FRAS1: variants seen among roughly 807,000 people sequenced by gnomAD.
FRAS1 encodes extracellular matrix organizing protein FRAS1.
Under a neutral mutation model 435.2 loss-of-function variants are expected in FRAS1, and 290 were observed. The observed-to-expected ratio is 0.67, with a 90% CI of 0.61 to 0.73. The LOEUF (loss-of-function observed/expected upper bound fraction) is 0.73. FRAS1 is among the 30% of genes least tolerant of loss of function. The probability of loss-of-function intolerance (pLI) is 0.00; values close to 1 mark genes in which losing one functional copy is unlikely to be tolerated. For missense variants in FRAS1, 4,860 were observed against 5,001.5 expected (o/e 0.97, Z 0.85); for synonymous variants, 1,800 against 1,851.0 (o/e 0.97, Z 0.71).
At chr4:78,451,933 A>G in intron 46 of FRAS1, 42 bp downstream of exon 46, 1 of 1,563,448 alleles carries the variant, frequency 6.4e-7, no homozygotes, top group Non-Finnish European at 8.7e-7. Flanking sequence ...CTATTTTAGC[A>G]GTTCTGAGGT....
chr4:78,128,499 G>C (rs959728425), intron 2 of FRAS1, among the ~76,000 whole-genome samples: 1 of 152,192 alleles, frequency 6.6e-6, no homozygotes, highest in Admixed American at 6.5e-5. Flanking sequence ...TTCTCTGATA[G>C]CCAGTGATGA....
chr4:78,446,045 A>T (rs1033882386), intron 42 of FRAS1: 1 of 1,196,014 alleles, frequency 8.4e-7, no homozygotes, highest in Non-Finnish European at 1.0e-6. Flanking sequence ...GTTTGGTTCT[A>T]TATGCATATT....
At chr4:78,168,688 T>A (rs1237724945) in intron 2 of FRAS1, among the ~76,000 whole-genome samples, 1 of 152,094 alleles carries the variant, frequency 6.6e-6, no homozygotes, top group East Asian at 1.9e-4. Flanking sequence ...CCTACTTTTC[T>A]CCCTCACCTG....
At chr4:78,522,445 C>A (rs189309539) in intron 68 of FRAS1, among the ~76,000 whole-genome samples, 153 of 152,214 alleles carry the variant, frequency 1.0e-3, no homozygotes, top group Non-Finnish European at 1.8e-3. Flanking sequence ...CTATGATGAC[C>A]ATCACAAGTA....
chr4:78,267,173 G>C, intron 8 of FRAS1, 68 bp from the exon 9 acceptor site: 2 of 1,504,864 alleles, frequency 1.3e-6, no homozygotes, highest in Non-Finnish European at 1.8e-6. Flanking sequence ...GGGTCCTCCT[G>C]CCTCTGTTGG....
chr4:78,370,131 A>G (rs751290730), intron 23 of FRAS1, 147 bp downstream of exon 23: 1 of 663,150 alleles, frequency 1.5e-6, no homozygotes, highest in Non-Finnish European at 2.4e-6. Context: ...GTGTATGTAT[A>G]TATTCATTAA....
At chr4:78,181,799 G>A in intron 2 of FRAS1, 4 of 1,612,112 alleles carry the variant, frequency 2.5e-6, no homozygotes, top group Non-Finnish European at 3.4e-6. Context: ...AACGCTGCGG[G>A]GCAGCGGGTT....
In FRAS1 at chr4:78,518,446, A is replaced by ATT. The variant is rs57703897; in HGVS notation, c.10390-884_10390-883insTT. ...TGTATATATATATATATATATATAT[A>ATT]TATATATTTATTTATTTATTTATTT... On this transcript the variant is annotated intron_variant, in intron 66 of 73. Transcript: ENST00000512123. Among the ~76,000 whole-genome samples, 295 of 106,884 alleles carry ATT rather than the reference A, an allele frequency of 2.8e-3. 1 individual carries two copies. Among genetic ancestry groups the ATT allele is most frequent in the African/African-American group, 9.2e-3 (277 of 30,104 alleles). The allele number at this position is 106,884 out of a possible 152,430, so 70.1% of individuals were successfully genotyped here.
At position 78,363,999 on chromosome 4, in the gene FRAS1, C is replaced by T. The variant is rs368548703; in HGVS notation, c.2667C>T (p.Thr889=). ...DTNLVLSHTG[T]CSTTCFPGHY... ...ACCTCGTGCTGTCCCACACTGGCAC[C>T]TGCAGCACCACCTGCTTCCCTGGGC... is the stretch of plus-strand genomic sequence containing the variant. Residue 889 remains threonine (T), a synonymous_variant, in exon 22 of 74, where the codon ACC becomes ACT. Transcript: ENST00000512123. The T allele has an allele frequency of 6.2e-7, 1 of 1,609,200 alleles. No homozygotes were observed. Among genetic ancestry groups the T allele is most frequent in the African/African-American group, 1.3e-5 (1 of 74,888 alleles).
rs1228503961 is a variant in FRAS1, at chr4:78,448,823, CT to C, written c.6274+508del. On this transcript the variant is annotated intron_variant, in intron 44 of 73. Transcript: ENST00000512123. The stretch of plus-strand genomic sequence containing the variant: ...CTAGGGTTTAACATTCACAATTTTG[CT>C]CATGTTTAAGCAACATTGGAGGACC... Among the ~76,000 whole-genome samples the C allele has an allele frequency of 4.6e-5, 7 of 152,278 alleles. No homozygotes were observed. In the South Asian group the frequency reaches 1.5e-3, roughly 32 times the overall value.
chr4:78,315,450 G>A, intron 15 of FRAS1, 144 bp from the exon 16 acceptor site: 1 of 799,158 alleles, frequency 1.3e-6, no homozygotes. Flanking sequence ...TGAAATGTTG[G>A]AATCAAGGAA....
intron 35 of FRAS1, 57 bp from the exon 36 acceptor site, chr4:78,429,038 G>GT: frequency 6.8e-7 from 1 of 1,465,878 alleles, no homozygotes; most frequent in Non-Finnish European, 9.2e-7. Flanking sequence ...GTGTGTGTGT[G>GT]CGTGTCTCTG....
chr4:78,118,696 G>T (rs1489057731), intron 2 of FRAS1, among the ~76,000 whole-genome samples: 1 of 152,038 alleles, frequency 6.6e-6, no homozygotes, highest in African/African-American at 2.4e-5. Flanking sequence ...GGAGTGACCC[G>T]ATTTTCCAGG....
intron 3 of FRAS1, among the ~76,000 whole-genome samples, chr4:78,240,132 C>T (rs956160295): frequency 3.3e-5 from 5 of 151,930 alleles, no homozygotes; most frequent in Non-Finnish European, 5.9e-5. Flanking sequence ...TTATGCAGAG[C>T]CTTGTATGCT....
rs1484559434 is a variant in FRAS1 at position 78,448,057 on chromosome 4, T to C, written c.6015T>C (p.His2005=). The change falls in exon 44 of 74, where the codon CAT becomes CAC. Residue 2005 remains histidine, a synonymous_variant. Coordinates refer to ENST00000512123, the MANE Select transcript of FRAS1 (RefSeq NM_025074.7). ...FVLTKKPDHG[H]VLWRQTASEP... is the part of the protein sequence containing the mutation. Reference sequence around the variant, plus strand: ...TTTCTTTACCTCTTCCCTCAGGTCATGTACTCTGGAGGCAAACTGCTTCTG... The same window carrying C: ...TTTCTTTACCTCTTCCCTCAGGTCACGTACTCTGGAGGCAAACTGCTTCTG... The C allele has an allele frequency of 3.1e-6, 5 of 1,607,382 alleles. No individual in the cohort carries two copies. Among genetic ancestry groups the C allele is most frequent in the Admixed American group, 1.7e-5 (1 of 59,518 alleles).
chr4:78,244,452 A>T (rs746563913), intron 3 of FRAS1, among the ~76,000 whole-genome samples: 2 of 152,188 alleles, frequency 1.3e-5, no homozygotes, highest in Non-Finnish European at 2.9e-5. Flanking sequence ...GAGGAGCAGC[A>T]TGAGTAGGAA....
chr4:78,477,533 TA>T (rs759313648), intron 54 of FRAS1, among the ~76,000 whole-genome samples: 3 of 152,188 alleles, frequency 2.0e-5, no homozygotes, highest in Non-Finnish European at 4.4e-5. Context: ...AGACAGGCTA[TA>T]AAGAGTTACT....
intron 2 of FRAS1, among the ~76,000 whole-genome samples, chr4:78,189,036 A>G (rs1266753291): frequency 6.6e-6 from 1 of 152,198 alleles, no homozygotes; most frequent in Non-Finnish European, 1.5e-5. Flanking sequence ...ACTGTAGGTG[A>G]GACCCAGACT....
chr4:78,195,669 G>A (rs891813520), intron 2 of FRAS1, among the ~76,000 whole-genome samples: 2 of 152,150 alleles, frequency 1.3e-5, no homozygotes, highest in African/African-American at 2.4e-5. Context: ...GTGCTGTCTT[G>A]TCACCCCTTT....
Sources: gnomAD v4.1 joint callset for allele counts (sites outside exome capture counted in the v4.1 genomes callset) on GRCh38, gnomAD v4.1.1 for gene constraint, MANE v1.5 for transcripts, NCBI Gene and HGNC (gene_info 2026-07-23, HGNC 2026-07-21) for gene names.